Variants in PRKG1 observed in about 807,000 individuals in gnomAD.
PRKG1 encodes cGMP-dependent protein kinase 1.
PRKG1 carries 35 observed loss-of-function variants against 88.1 expected under a neutral mutation model. That is an observed-to-expected ratio of 0.40 (90% CI 0.30 to 0.53). The LOEUF (loss-of-function observed/expected upper bound fraction) is 0.53. PRKG1 is among the 20% of genes least tolerant of loss of function. The pLI, the probability that PRKG1 is intolerant of heterozygous loss-of-function variation, is 0.59. For missense variants in PRKG1, 540 were observed against 839.8 expected, an observed-to-expected ratio of 0.64 and a Z score of 4.41; for synonymous variants, 303 against 292.5, an observed-to-expected ratio of 1.04 and a Z score of -0.37.
At position 51,266,800 on chromosome 10, in the gene PRKG1, A is replaced by G. The variant is rs373898148; in HGVS notation, c.478+113470A>G. Reference sequence around the variant, plus strand: ...CATTGACATCTTATTTCAATTCACAAGGAATACATCCTGTGTCTTTAAGAC... The same window carrying G: ...CATTGACATCTTATTTCAATTCACAGGGAATACATCCTGTGTCTTTAAGAC... On this transcript the variant is annotated intron_variant, in intron 2 of 17. Coordinates refer to ENST00000373980, the MANE Select transcript of PRKG1 (RefSeq NM_006258.4). Among the ~76,000 whole-genome samples, 6 of 152,354 alleles carry G rather than the reference A, an allele frequency of 3.9e-5. No homozygotes were observed. In the East Asian group the frequency reaches 1.2e-3, roughly 29 times the overall value.
At chr10:51,564,758 T>C (rs1331871691) in intron 3 of PRKG1, among the ~76,000 whole-genome samples, 1 of 152,114 alleles carries the variant, frequency 6.6e-6, no homozygotes, top group Non-Finnish European at 1.5e-5. Context: ...GCTTCGTATG[T>C]AGGATTTCAT....
At chr10:52,018,442 A>G (rs913626444) in intron 5 of PRKG1, among the ~76,000 whole-genome samples, 9 of 152,204 alleles carry the variant, frequency 5.9e-5, no homozygotes, top group Non-Finnish European at 1.3e-4. Context: ...GTTCTACAAC[A>G]TCCACATAGA....
At chr10:52,007,014 TCCAA>T in intron 5 of PRKG1, among the ~76,000 whole-genome samples, 1 of 152,194 alleles carries the variant, frequency 6.6e-6, no homozygotes, top group South Asian at 2.1e-4. Flanking sequence ...GAATTCCATG[TCCAA>T]CCAAACTAAA....
At chr10:51,407,134 G>T (rs1273356925) in intron 2 of PRKG1, among the ~76,000 whole-genome samples, 1 of 152,082 alleles carries the variant, frequency 6.6e-6, no homozygotes, top group South Asian at 2.1e-4. Flanking sequence ...TGACTCAAAG[G>T]TTAATCTCCT....
intron 5 of PRKG1, among the ~76,000 whole-genome samples, chr10:51,987,387 A>G (rs557399449): frequency 6.6e-6 from 1 of 152,218 alleles, no homozygotes; most frequent in Admixed American, 6.5e-5. Context: ...TTCAAGAAGG[A>G]AAACAAGCTT....
chr10:51,541,142 T>C (rs1386231630), intron 3 of PRKG1, among the ~76,000 whole-genome samples: 1 of 152,156 alleles, frequency 6.6e-6, no homozygotes, highest in Non-Finnish European at 1.5e-5. Context: ...GGGGATGGCT[T>C]CAGGATGAAG....
chr10:52,080,873 C>G lies in PRKG1; in HGVS notation c.935+18242C>G, dbSNP rs944940359. ...GATCACTTTTAAGACCATGTCATTC[C>G]TCTAGCTGTCCAGAGTGTTGATTAC... On this transcript the variant is annotated intron_variant, in intron 7 of 17. Transcript: ENST00000373980. 3.7e-4 allele frequency among the ~76,000 whole-genome samples: 56 copies of G among 152,022 alleles called. 1 individual carries two copies. Among genetic ancestry groups the G allele is most frequent in the Admixed American group, 3.3e-3 (50 of 15,258 alleles).
At chr10:51,040,771 A>G (rs1843410588) in intron 1 of PRKG1, among the ~76,000 whole-genome samples, 1 of 152,182 alleles carries the variant, frequency 6.6e-6, no homozygotes, top group South Asian at 2.1e-4. Context: ...CTGTTGGCAT[A>G]TAGAAATGCT....
rs531497796 is a variant in PRKG1 at position 51,979,309 on chromosome 10, A to T, written c.762+71739A>T. Among the ~76,000 whole-genome samples, 4 of 151,056 alleles carry T rather than the reference A, an allele frequency of 2.6e-5. No homozygotes were observed. In the East Asian group the frequency reaches 7.8e-4, roughly 30 times the overall value. On this transcript the variant is annotated intron_variant, in intron 5 of 17. Transcript: ENST00000373980. ...ACCTTGAATCTTAGGGATAAAGCCT[A>T]CTTGAATGTGATGGATACGCTTTTT...
At chr10:51,216,335 A>G (rs1838370659) in intron 2 of PRKG1, among the ~76,000 whole-genome samples, 1 of 152,228 alleles carries the variant, frequency 6.6e-6, no homozygotes, top group African/African-American at 2.4e-5. Flanking sequence ...TACTATGGAC[A>G]CATGTTATTG....
chr10:51,674,728 G>A (rs1840668044), intron 3 of PRKG1, among the ~76,000 whole-genome samples: 2 of 152,178 alleles, frequency 1.3e-5, no homozygotes, highest in South Asian at 4.1e-4. Context: ...ATTAAATCGA[G>A]GTGACAATTT....
intron 2 of PRKG1, among the ~76,000 whole-genome samples, chr10:51,188,038 A>G (rs1476441323): frequency 2.0e-5 from 3 of 152,012 alleles, no homozygotes; most frequent in Non-Finnish European, 4.4e-5. Context: ...TAAGTTTAGT[A>G]CAATGTGAAT....
chr10:51,279,338 G>T (rs550153072), intron 2 of PRKG1, among the ~76,000 whole-genome samples: 6 of 152,270 alleles, frequency 3.9e-5, no homozygotes, highest in African/African-American at 9.6e-5. Context: ...TATAATTTCT[G>T]TTCTTTTTCA....
chr10:51,175,482 T>A (rs1248493170), intron 2 of PRKG1, among the ~76,000 whole-genome samples: 1 of 152,042 alleles, frequency 6.6e-6, no homozygotes, highest in Admixed American at 6.6e-5. Flanking sequence ...TTTTCAATTA[T>A]AAGATTATCA....
rs1842684769 is a variant in PRKG1, at chr10:51,370,610, C to T, written c.479-97113C>T. Among the ~76,000 whole-genome samples, 4 of 150,924 alleles carry T rather than the reference C, an allele frequency of 2.7e-5. No homozygotes were observed. In the South Asian group the frequency reaches 6.3e-4, roughly 24 times the overall value. On this transcript the variant is annotated intron_variant, in intron 2 of 17. Transcript: ENST00000373980. ...CCTTATAATGCATCCCATCAGTGAC[C>T]AATAGGAATACAATGTGAACCATAA...
chr10:51,921,001 A>G (rs964787927), intron 5 of PRKG1, among the ~76,000 whole-genome samples: 3 of 152,068 alleles, frequency 2.0e-5, no homozygotes, highest in Admixed American at 6.6e-5. Flanking sequence ...ATAATTTACC[A>G]TAGAGTGTTG....
At chr10:51,642,262 C>T (rs906001637) in intron 3 of PRKG1, among the ~76,000 whole-genome samples, 1 of 151,972 alleles carries the variant, frequency 6.6e-6, no homozygotes, top group Non-Finnish European at 1.5e-5. Context: ...TGGTGGTGCG[C>T]GCCTATAATC....
chr10:51,481,422 A>AT lies in PRKG1; in HGVS notation c.592+13593dup, dbSNP rs535358967. On this transcript the variant is annotated intron_variant, in intron 3 of 17. Coordinates refer to ENST00000373980, the MANE Select transcript of PRKG1 (RefSeq NM_006258.4). Reference sequence around the variant, plus strand: ...ACCACCATGCCCAGCTAATTTTTGTATTTTTTTGTAAAGACAAGGTTTCGC... The same window carrying AT: ...ACCACCATGCCCAGCTAATTTTTGTATTTTTTTTGTAAAGACAAGGTTTCGC... Among the ~76,000 whole-genome samples, 4 of 152,034 alleles carry AT rather than the reference A, an allele frequency of 2.6e-5. No homozygotes were observed. In the East Asian group the frequency reaches 5.8e-4, roughly 22 times the overall value.
intron 7 of PRKG1, among the ~76,000 whole-genome samples, chr10:52,071,455 G>A (rs144775922): frequency 7.6e-4 from 115 of 152,292 alleles, no homozygotes; most frequent in African/African-American, 2.5e-3. Context: ...TGCATCCTAT[G>A]TTGCTGCAAT....
Sources: gnomAD v4.1 joint callset for allele counts (sites outside exome capture counted in the v4.1 genomes callset) on GRCh38, gnomAD v4.1.1 for gene constraint, MANE v1.5 for transcripts, NCBI Gene and HGNC (gene_info 2026-07-23, HGNC 2026-07-21) for gene names.